The following MDGA2 variants were observed in gnomAD, a reference collection of about 807,000 sequenced individuals.
MDGA2 encodes the protein MAM domain-containing glycosylphosphatidylinositol anchor protein 2.
A neutral mutation model predicts 117.8 loss-of-function variants in MDGA2; 40 were observed. That is an observed-to-expected ratio of 0.34 (90% CI 0.26 to 0.44). MDGA2 has a LOEUF of 0.44. MDGA2 is among the 20% of genes least tolerant of loss of function. MDGA2 has a pLI of 1.00. For missense variants in MDGA2, 1,123 were observed against 1,250.6 expected, an observed-to-expected ratio of 0.90 and a Z score of 1.54; for synonymous variants, 452 against 439.0, an observed-to-expected ratio of 1.03 and a Z score of -0.37.
At chr14:47,485,534 G>A (rs947154183) in intron 1 of MDGA2, among the ~76,000 whole-genome samples, 1 of 152,188 alleles carries the variant, frequency 6.6e-6, no homozygotes, top group African/African-American at 2.4e-5. Context: ...ATTTGCATAA[G>A]TAAGGAGGAG....
intron 1 of MDGA2, among the ~76,000 whole-genome samples, chr14:47,399,238 ACAC>A (rs141861139): frequency 2.0e-5 from 3 of 152,306 alleles, no homozygotes; most frequent in Non-Finnish European, 4.4e-5. Context: ...GTATACCACA[ACAC>A]CACAACAAAA....
chr14:47,349,783 A>G (rs935108600), intron 1 of MDGA2, among the ~76,000 whole-genome samples: 6 of 152,246 alleles, frequency 3.9e-5, no homozygotes, highest in Admixed American at 6.5e-5. Context: ...CTGCAAATTA[A>G]CTGCTGACCT....
intron 1 of MDGA2, among the ~76,000 whole-genome samples, chr14:47,622,698 C>T (rs984306562): frequency 3.9e-4 from 60 of 152,090 alleles, no homozygotes; most frequent in African/African-American, 1.4e-3. Flanking sequence ...CCCATGGATG[C>T]GGAAATCTTC....
chr14:47,096,454 T>C (rs11157541), intron 6 of MDGA2, among the ~76,000 whole-genome samples: 119,080 of 151,854 alleles, frequency 0.78, 46,870 homozygotes, highest in East Asian at 0.97. Flanking sequence ...GCCATGATTG[T>C]AATAGGGGCT....
intron 1 of MDGA2, among the ~76,000 whole-genome samples, chr14:47,417,102 G>A (rs1005880696): frequency 2.0e-5 from 3 of 152,224 alleles, no homozygotes; most frequent in Admixed American, 6.5e-5. Flanking sequence ...TGGCACATTC[G>A]TATTAATCTT....
At chr14:47,559,580 T>TC (rs200664222) in intron 1 of MDGA2, among the ~76,000 whole-genome samples, 28 of 146,986 alleles carry the variant, frequency 1.9e-4, no homozygotes, top group African/African-American at 5.5e-4. Flanking sequence ...TCTTTTCTTT[T>TC]TTTTTTTTTT....
intron 10 of MDGA2, among the ~76,000 whole-genome samples, chr14:46,914,048 A>G (rs1193604916): frequency 6.6e-6 from 1 of 152,168 alleles, no homozygotes; most frequent in African/African-American, 2.4e-5. Context: ...GTGTATTTCT[A>G]TGGCTGAATA....
At chr14:47,390,513 C>T (rs1891870557) in intron 1 of MDGA2, among the ~76,000 whole-genome samples, 1 of 152,130 alleles carries the variant, frequency 6.6e-6, no homozygotes, top group Non-Finnish European at 1.5e-5. Flanking sequence ...CCCCAATTAC[C>T]AAATTAAGTT....
At chr14:46,875,471 A>G (rs964135777) in intron 12 of MDGA2, among the ~76,000 whole-genome samples, 3 of 151,714 alleles carry the variant, frequency 2.0e-5, no homozygotes, top group Non-Finnish European at 4.4e-5. Context: ...TACAGGAAAT[A>G]TACATATTTA....
chr14:47,010,829 A>G (rs1361036973), intron 8 of MDGA2, among the ~76,000 whole-genome samples: 1 of 152,060 alleles, frequency 6.6e-6, no homozygotes, highest in Non-Finnish European at 1.5e-5. Context: ...TTGAATGTCT[A>G]GCTTCCTTTT....
chr14:47,530,046 T>A (rs534699221), intron 1 of MDGA2, among the ~76,000 whole-genome samples: 42 of 152,324 alleles, frequency 2.8e-4, no homozygotes, highest in Non-Finnish European at 5.7e-4. Flanking sequence ...GTGCATGATG[T>A]GCTTCCCCCT....
intron 6 of MDGA2, among the ~76,000 whole-genome samples, chr14:47,087,734 A>C (rs1447174360): frequency 6.6e-6 from 1 of 151,880 alleles, no homozygotes; most frequent in Admixed American, 6.6e-5. Flanking sequence ...CAAAGGAAAA[A>C]ATGCTGAATT....
In MDGA2 at chr14:47,547,230, G is replaced by T. The variant is rs1468782732; in HGVS notation, c.280+127287C>A. Among the ~76,000 whole-genome samples the T allele has an allele frequency of 2.0e-5, 3 of 152,144 alleles. No homozygotes were observed. The South Asian group carries it at 6.2e-4, about 31-fold the overall frequency. On this transcript the variant is annotated intron_variant, in intron 1 of 16. Coordinates refer to ENST00000399232, the MANE Select transcript of MDGA2 (RefSeq NM_001113498.3). ...ATACATGAAAGAAAGACTGCATCCA[G>T]TATATACAGAAGAGGGCCAGGGCAA...
At chr14:47,454,660 G>A (rs1050494658) in intron 1 of MDGA2, among the ~76,000 whole-genome samples, 6 of 152,080 alleles carry the variant, frequency 3.9e-5, no homozygotes, top group South Asian at 4.1e-4. Flanking sequence ...TAACAGTGGT[G>A]GTGTCTTGAT....
At chr14:46,973,275 A>G (rs1886337247) in intron 8 of MDGA2, among the ~76,000 whole-genome samples, 2 of 152,150 alleles carry the variant, frequency 1.3e-5, no homozygotes, top group Admixed American at 1.3e-4. Context: ...TATTTACTCA[A>G]AGGAGTTGAA....
In MDGA2 at chr14:47,329,981, A is replaced by G. The variant is rs370470569; in HGVS notation, c.281-28431T>C. On this transcript the variant is annotated intron_variant, in intron 1 of 16. Transcript: ENST00000399232. ...GAAAGCAAATAATTTCAATGAACCA[A>G]TCAGGTGTTTTAATAATATTCAAAC... 2.6e-5 allele frequency among the ~76,000 whole-genome samples: 4 copies of G among 152,082 alleles called. No individual in the cohort carries two copies. In the South Asian group the frequency reaches 6.2e-4, roughly 24 times the overall value.
intron 1 of MDGA2, among the ~76,000 whole-genome samples, chr14:47,589,714 G>T (rs531188267): frequency 6.6e-6 from 1 of 151,878 alleles, no homozygotes; most frequent in Admixed American, 6.6e-5. Context: ...GGCAGAGGGG[G>T]TTTTGATGTA....
intron 8 of MDGA2, among the ~76,000 whole-genome samples, chr14:46,969,138 C>G (rs1322477134): frequency 6.6e-6 from 1 of 152,104 alleles, no homozygotes. Context: ...TTTTCTTAAT[C>G]CAGTCTATCA....
At chr14:47,133,817 T>A (rs991129559) in intron 4 of MDGA2, among the ~76,000 whole-genome samples, 6 of 152,036 alleles carry the variant, frequency 3.9e-5, no homozygotes, top group Non-Finnish European at 7.4e-5. Context: ...TAGATCCTTT[T>A]ATTGATCTTT....
Sources: gnomAD v4.1 joint callset for allele counts (sites outside exome capture counted in the v4.1 genomes callset) on GRCh38, gnomAD v4.1.1 for gene constraint, MANE v1.5 for transcripts, NCBI Gene and HGNC (gene_info 2026-07-23, HGNC 2026-07-21) for gene names.